The following KLHL22 variants were observed in gnomAD, a reference collection of about 807,000 sequenced individuals.
The protein encoded by KLHL22 is kelch-like protein 22.
In KLHL22, 18 loss-of-function variants were observed where a neutral mutation model predicts 60.7. That is an observed-to-expected ratio of 0.30 (90% CI 0.20 to 0.44). KLHL22 has a LOEUF of 0.44. Among genes scored for constraint, KLHL22 ranks in the 20% least tolerant of loss-of-function variants. The pLI, the probability that KLHL22 is intolerant of heterozygous loss-of-function variation, is 1.00. For synonymous variants in KLHL22, 355 were observed against 354.5 expected (o/e 1.00, Z -0.01); for missense variants, 596 against 852.3 (o/e 0.70, Z 3.74).
At chr22:20,442,472 C>G (rs759602687) in intron 6 of KLHL22, 34 bp from the exon 7 acceptor site, 1 of 1,523,336 alleles carries the variant, frequency 6.6e-7, no homozygotes. Context: ...AGCCCAGCAC[C>G]CACTGGGACG....
chr22:20,470,389 C>G (rs2053296019), intron 3 of KLHL22, among the ~76,000 whole-genome samples: 1 of 151,426 alleles, frequency 6.6e-6, no homozygotes, highest in South Asian at 2.1e-4. Context: ...GTGGCTCACA[C>G]CTGTAATCGC....
intron 6 of KLHL22, among the ~76,000 whole-genome samples, chr22:20,446,066 G>A (rs566151389): frequency 6.6e-6 from 1 of 152,176 alleles, no homozygotes; most frequent in African/African-American, 2.4e-5. Context: ...CGGCCTAAAA[G>A]TTTTTAAGAG....
At chr22:20,458,145 G>A (rs894362242) in intron 4 of KLHL22, 145 bp from the exon 5 acceptor site, 7 of 794,040 alleles carry the variant, frequency 8.8e-6, no homozygotes, top group East Asian at 2.7e-5. Flanking sequence ...AGTGCACACC[G>A]ATCTACAGCC....
chr22:20,495,559 G>T lies in KLHL22; in HGVS notation c.-34+201C>A, dbSNP rs942047543. On this transcript the variant is annotated intron_variant, in intron 1 of 6. Coordinates refer to ENST00000328879, the MANE Select transcript of KLHL22 (RefSeq NM_032775.4). The surrounding 1 kb of genome is among the most constrained non-coding windows in gnomAD (Gnocchi z 4.6). ...CCGGCCCCTACGCGCCCGCGCCCGG[G>T]GATCCCGCCGGCCGCGTCCCCGCCA... Among the ~76,000 whole-genome samples the T allele has an allele frequency of 6.6e-6, 1 of 150,730 alleles. No individual in the cohort carries two copies. The highest frequency in any genetic ancestry group is 2.4e-5 in the African/African-American group (1 of 41,242).
intron 3 of KLHL22, among the ~76,000 whole-genome samples, chr22:20,467,803 C>T (rs1352646220): frequency 2.0e-5 from 3 of 152,096 alleles, no homozygotes; most frequent in Admixed American, 6.6e-5. Flanking sequence ...GGACAACAGA[C>T]GCCCGCCACC....
intron 2 of KLHL22, among the ~76,000 whole-genome samples, chr22:20,484,824 C>A (rs1601386453): frequency 6.6e-6 from 1 of 151,650 alleles, no homozygotes; most frequent in African/African-American, 2.4e-5. Flanking sequence ...GCAGCCTCAA[C>A]CTCTCAAGCT....
At chr22:20,448,445 G>C (rs2052915312) in intron 5 of KLHL22, among the ~76,000 whole-genome samples, 1 of 152,202 alleles carries the variant, frequency 6.6e-6, no homozygotes, top group South Asian at 2.1e-4. Flanking sequence ...CTATTGCTCA[G>C]TAGTATTCCA....
chr22:20,483,959 G>C, intron 2 of KLHL22: 1 of 683,476 alleles, frequency 1.5e-6, no homozygotes, highest in South Asian at 1.5e-5. Context: ...TGGTGGAGCG[G>C]GACACGAAGA....
intron 1 of KLHL22, chr22:20,493,158 C>T: frequency 2.1e-6 from 1 of 471,268 alleles, no homozygotes; most frequent in Non-Finnish European, 4.4e-6. Flanking sequence ...CTTCCGTGAG[C>T]ATAGTAGTGC....
rs1304955642 is a variant in KLHL22 at position 20,460,624 on chromosome 22, A to C, written c.1113-2624T>G. On this transcript the variant is annotated intron_variant, in intron 4 of 6. Coordinates refer to ENST00000328879, the MANE Select transcript of KLHL22 (RefSeq NM_032775.4). ...ACTCCATCCCCCAAAAAAAAAAAAAAAAAAAAAAAAAAAAAAAAAAAAAGA... is the reference window on the plus strand; with the variant it reads ...ACTCCATCCCCCAAAAAAAAAAAAACAAAAAAAAAAAAAAAAAAAAAAAGA... Among the ~76,000 whole-genome samples the C allele has an allele frequency of 4.5e-4, 65 of 145,496 alleles. 1 individual carries two copies. Among genetic ancestry groups the C allele is most frequent in the African/African-American group, 1.4e-3 (57 of 39,862 alleles).
At chr22:20,442,559 G>A (rs770204483) in intron 6 of KLHL22, 121 bp from the exon 7 acceptor site, 7 of 1,245,396 alleles carry the variant, frequency 5.6e-6, no homozygotes, top group East Asian at 2.6e-5. Flanking sequence ...CAGGCCCCCT[G>A]GAAGGATGGC....
At chr22:20,473,990 C>T (rs953327606) in intron 2 of KLHL22, among the ~76,000 whole-genome samples, 1 of 152,224 alleles carries the variant, frequency 6.6e-6, no homozygotes, top group Admixed American at 6.5e-5. Context: ...TCATATTCCA[C>T]ATCTCACTTG....
intron 5 of KLHL22, among the ~76,000 whole-genome samples, chr22:20,452,159 T>C (rs560699063): frequency 6.6e-6 from 1 of 152,026 alleles, no homozygotes; most frequent in African/African-American, 2.4e-5. Flanking sequence ...GCCTCATATG[T>C]TGCAAAGAAC....
At chr22:20,443,353 CA>C (rs3071909) in intron 6 of KLHL22, among the ~76,000 whole-genome samples, 30,861 of 148,554 alleles carry the variant, frequency 0.21, 3,885 homozygotes, top group Non-Finnish European at 0.29. Flanking sequence ...TACAAGAATA[CA>C]AAAAAAAAAA....
intron 2 of KLHL22, among the ~76,000 whole-genome samples, chr22:20,480,416 G>A (rs978464496): frequency 2.0e-5 from 3 of 152,126 alleles, no homozygotes; most frequent in Non-Finnish European, 4.4e-5. Flanking sequence ...AGAGGACATC[G>A]ACAGCACGGA....
chr22:20,464,294 T>C (rs1047743534), intron 4 of KLHL22, among the ~76,000 whole-genome samples: 1 of 152,228 alleles, frequency 6.6e-6, no homozygotes, highest in African/African-American at 2.4e-5. Flanking sequence ...AAATGTAGCA[T>C]GAGGCTCGGT....
rs1490419454 is a variant in KLHL22, at chr22:20,486,039, A to G, written c.227+2946T>C. Among the ~76,000 whole-genome samples, 3 of 150,262 alleles carry G rather than the reference A, an allele frequency of 2.0e-5. No homozygotes were observed. The Admixed American group carries it at 2.0e-4, about 10-fold the overall frequency. ...AAAAATTAGCCGGGCGTGGTGGCGC[A>G]CACCTGTAGTCCCAGCTACTCGAGA... On this transcript the variant is annotated intron_variant, in intron 2 of 6. Coordinates refer to ENST00000328879, the MANE Select transcript of KLHL22 (RefSeq NM_032775.4).
intron 2 of KLHL22, among the ~76,000 whole-genome samples, chr22:20,476,473 C>T (rs759722359): frequency 4.1e-4 from 55 of 133,780 alleles, no homozygotes; most frequent in Non-Finnish European, 7.0e-4. Flanking sequence ...AGTGCAGTGG[C>T]GCGATCTCGG....
intron 4 of KLHL22, among the ~76,000 whole-genome samples, chr22:20,460,380 G>A (rs139831649): frequency 0.033 from 5,003 of 152,024 alleles, 121 homozygotes; most frequent in South Asian, 0.083. Flanking sequence ...AGGCTGAGGC[G>A]GGTGGATCAC....
Sources: allele counts gnomAD v4.1 joint callset (sites outside exome capture counted in the v4.1 genomes callset), GRCh38; gene constraint gnomAD v4.1.1; non-coding constraint Gnocchi (gnomAD v3.1); transcripts MANE v1.5; gene names NCBI Gene and HGNC (gene_info 2026-07-23, HGNC 2026-07-21).